FAR2: variants seen among roughly 807,000 people sequenced by gnomAD.
The protein encoded by FAR2 is epididymis secretory protein Li 81.
Under a neutral mutation model 56.0 loss-of-function variants are expected in FAR2, and 19 were observed. The observed-to-expected ratio is 0.34, with a 90% confidence interval of 0.24 to 0.50. The LOEUF (loss-of-function observed/expected upper bound fraction) is 0.50. Ranked by LOEUF, FAR2 falls within the 20% of genes least tolerant of loss-of-function variation. The probability of loss-of-function intolerance (pLI) is 0.98; values close to 1 mark genes in which losing one functional copy is unlikely to be tolerated. For missense variants in FAR2, 508 were observed against 642.2 expected (o/e 0.79, Z 2.26); for synonymous variants, 219 against 218.8 (o/e 1.00, Z -0.01).
Position 29,307,648 on chromosome 12 carries a change from T to C in FAR2, c.546-10T>C. ...TATGTTACTAGAATTCTCTTTACTCTACCTTTTAGGTGGTTAGACGATGCT... is the reference window on the plus strand; with the variant it reads ...TATGTTACTAGAATTCTCTTTACTCCACCTTTTAGGTGGTTAGACGATGCT... On this transcript the variant is annotated splice_polypyrimidine_tract_variant and intron_variant, in intron 4 of 11. Coordinates refer to ENST00000536681, the MANE Select transcript of FAR2 (RefSeq NM_001271783.2). 1.3e-6 allele frequency: 2 copies of C among 1,593,446 alleles called. No homozygotes were observed. Among genetic ancestry groups the C allele is most frequent in the Non-Finnish European group, 1.7e-6 (2 of 1,173,352 alleles).
At chr12:29,197,551 A>C (rs1950153591) in intron 1 of FAR2, among the ~76,000 whole-genome samples, 1 of 152,194 alleles carries the variant, frequency 6.6e-6, no homozygotes, top group Admixed American at 6.5e-5. Flanking sequence ...AGATTAGATA[A>C]TTTGCCCAAG....
chr12:29,181,535 C>T (rs909988929), intron 1 of FAR2, among the ~76,000 whole-genome samples: 2 of 151,846 alleles, frequency 1.3e-5, no homozygotes, highest in African/African-American at 4.8e-5. Flanking sequence ...ACTCCACTCT[C>T]ACCACATAAC....
intron 1 of FAR2, among the ~76,000 whole-genome samples, chr12:29,182,684 C>G (rs957672848): frequency 6.6e-6 from 1 of 152,150 alleles, no homozygotes; most frequent in South Asian, 2.1e-4. Flanking sequence ...GGGGTCATAT[C>G]TTTCTACTAG....
intron 1 of FAR2, among the ~76,000 whole-genome samples, chr12:29,266,833 G>T (rs994352393): frequency 1.3e-5 from 2 of 151,958 alleles, no homozygotes; most frequent in African/African-American, 4.8e-5. Flanking sequence ...TCTTACTTTA[G>T]AAAGAAATCT....
At chr12:29,188,938 C>T (rs1277839863) in intron 1 of FAR2, among the ~76,000 whole-genome samples, 3 of 152,062 alleles carry the variant, frequency 2.0e-5, no homozygotes, top group African/African-American at 7.2e-5. Flanking sequence ...TCCTTCTTAT[C>T]ATATCATATC....
chr12:29,262,215 T>TC (rs1470480357), intron 1 of FAR2, among the ~76,000 whole-genome samples: 1 of 152,158 alleles, frequency 6.6e-6, no homozygotes, highest in East Asian at 1.9e-4. Flanking sequence ...GTGTTTTTTT[T>TC]TGTTTATGCA....
intron 1 of FAR2, among the ~76,000 whole-genome samples, chr12:29,201,735 G>A (rs1213458578): frequency 6.6e-6 from 1 of 152,134 alleles, no homozygotes; most frequent in East Asian, 1.9e-4. Context: ...TAGTATAATA[G>A]CCATTAGCCA....
chr12:29,226,224 G>A (rs534573872), intron 1 of FAR2, among the ~76,000 whole-genome samples: 11 of 152,258 alleles, frequency 7.2e-5, no homozygotes, highest in Admixed American at 2.6e-4. Flanking sequence ...ATATCATTCC[G>A]GTTCTATTAT....
At chr12:29,161,627 A>T (rs1368637781) in intron 1 of FAR2, among the ~76,000 whole-genome samples, 1 of 152,054 alleles carries the variant, frequency 6.6e-6, no homozygotes. Context: ...TCTTTTGTTA[A>T]ACATACGTAC....
intron 1 of FAR2, among the ~76,000 whole-genome samples, chr12:29,227,294 A>G (rs35549733): frequency 0.64 from 96,936 of 152,040 alleles, 31,064 homozygotes; most frequent in Middle Eastern, 0.7. Flanking sequence ...ATTGTGAGAA[A>G]GAATTTGAGA....
intron 1 of FAR2, among the ~76,000 whole-genome samples, chr12:29,173,640 G>C (rs187327563): frequency 6.6e-6 from 1 of 152,070 alleles, no homozygotes; most frequent in African/African-American, 2.4e-5. Flanking sequence ...CAGGGTTTGC[G>C]GGTCAAATTG....
At chr12:29,205,896 C>T (rs1947473237) in intron 1 of FAR2, among the ~76,000 whole-genome samples, 5 of 151,498 alleles carry the variant, frequency 3.3e-5, no homozygotes, top group Admixed American at 2.6e-4. Context: ...ATTAGATGCT[C>T]ATTATGAAAA....
intron 1 of FAR2, among the ~76,000 whole-genome samples, chr12:29,220,030 G>A (rs1179642722): frequency 6.6e-6 from 1 of 152,148 alleles, no homozygotes; most frequent in Non-Finnish European, 1.5e-5. Context: ...AGCTAGTGGG[G>A]TACTTAGATA....
chr12:29,310,208 T>A (rs925913732), intron 6 of FAR2, among the ~76,000 whole-genome samples: 4 of 152,236 alleles, frequency 2.6e-5, no homozygotes, highest in Non-Finnish European at 4.4e-5. Context: ...ACGGCTTTCA[T>A]TACATGCAAA....
intron 10 of FAR2, among the ~76,000 whole-genome samples, chr12:29,323,119 G>C (rs1339614981): frequency 2.0e-5 from 3 of 152,254 alleles, no homozygotes; most frequent in East Asian, 1.9e-4. Context: ...ATGGCTTGGA[G>C]GGTCCTATGC....
At chr12:29,152,350 G>A (rs1949687763) in intron 1 of FAR2, among the ~76,000 whole-genome samples, 1 of 152,136 alleles carries the variant, frequency 6.6e-6, no homozygotes, top group Non-Finnish European at 1.5e-5. Flanking sequence ...CTAGTCTCTT[G>A]CCAAATACAC....
intron 9 of FAR2, 133 bp from the exon 10 acceptor site, chr12:29,321,662 A>G: frequency 1.9e-6 from 2 of 1,034,034 alleles, no homozygotes; most frequent in South Asian, 1.8e-5. Flanking sequence ...GAGAAAAAAG[A>G]AGAAGAATTT....
At chr12:29,196,244 G>A (rs1199533068) in intron 1 of FAR2, among the ~76,000 whole-genome samples, 3 of 152,012 alleles carry the variant, frequency 2.0e-5, no homozygotes, top group African/African-American at 7.2e-5. Flanking sequence ...TCTATGTTTA[G>A]TTATTTGAGA....
At chr12:29,180,947 G>A (rs1226520597) in intron 1 of FAR2, among the ~76,000 whole-genome samples, 2 of 152,032 alleles carry the variant, frequency 1.3e-5, no homozygotes, top group African/African-American at 2.4e-5. Context: ...TGGTGTGGTA[G>A]GAGGATGGCA....
Sources: allele counts gnomAD v4.1 joint callset (sites outside exome capture counted in the v4.1 genomes callset), GRCh38; gene constraint gnomAD v4.1.1; transcripts MANE v1.5; gene names NCBI Gene and HGNC (gene_info 2026-07-23, HGNC 2026-07-21).